The following CALN1 variants were observed in gnomAD, a reference collection of about 807,000 sequenced individuals.
CALN1 encodes calneuron 1, also known as calcium-binding protein 8.
In CALN1, 17 loss-of-function variants were observed where a neutral mutation model predicts 30.6. That is an observed-to-expected ratio of 0.56 (90% CI 0.38 to 0.83). CALN1 has a LOEUF of 0.83. Among genes scored for constraint, CALN1 ranks in the 40% least tolerant of loss-of-function variants. CALN1 has a pLI of 0.00. For missense variants in CALN1, 291 were observed against 354.9 expected, an observed-to-expected ratio of 0.82 and a Z score of 1.45; for synonymous variants, 156 against 131.4, an observed-to-expected ratio of 1.19 and a Z score of -1.28.
intron 2 of CALN1, among the ~76,000 whole-genome samples, chr7:72,328,210 T>TAC (rs1366221489): frequency 2.6e-5 from 4 of 152,168 alleles, no homozygotes; most frequent in African/African-American, 9.7e-5. Context: ...TAATACAGTT[T>TAC]GGCTGTGTCC....
intron 2 of CALN1, among the ~76,000 whole-genome samples, chr7:72,286,079 G>A (rs767289882): frequency 7.2e-5 from 11 of 152,194 alleles, no homozygotes; most frequent in African/African-American, 1.4e-4. Context: ...GGATTAGAAT[G>A]ATGAATAATC....
In CALN1 at chr7:71,858,803, A is replaced by G. The variant is rs10259588; in HGVS notation, c.502-48311T>C. ...GACCTAACCAATGTACATTTTACAC[A>G]TACTGATTGATGTCTCGTGTCTCCC... On this transcript the variant is annotated intron_variant, in intron 5 of 6. Transcript: ENST00000395275. 2.6e-3 allele frequency among the ~76,000 whole-genome samples: 394 copies of G among 152,200 alleles called. 2 individuals are homozygous for G. Among genetic ancestry groups the G allele is most frequent in the African/African-American group, 9.0e-3 (373 of 41,524 alleles).
chr7:72,250,371 T>C (rs978448796), intron 3 of CALN1, among the ~76,000 whole-genome samples: 1 of 152,116 alleles, frequency 6.6e-6, no homozygotes, highest in Non-Finnish European at 1.5e-5. Context: ...CATCTGGAAA[T>C]CAGAATGACA....
chr7:72,234,059 AAC>A (rs1286135485), intron 3 of CALN1, among the ~76,000 whole-genome samples: 1 of 152,180 alleles, frequency 6.6e-6, no homozygotes, highest in Admixed American at 6.5e-5. Flanking sequence ...GAAAAAGAGA[AAC>A]AAAGAGGAAA....
At chr7:72,312,182 T>A (rs1800096921) in intron 2 of CALN1, among the ~76,000 whole-genome samples, 1 of 152,036 alleles carries the variant, frequency 6.6e-6, no homozygotes, top group Admixed American at 6.6e-5. Context: ...GGCCAGAGTA[T>A]CACTTGATGT....
At chr7:72,307,912 A>G (rs1799759739) in intron 2 of CALN1, among the ~76,000 whole-genome samples, 1 of 152,098 alleles carries the variant, frequency 6.6e-6, no homozygotes, top group Non-Finnish European at 1.5e-5. Flanking sequence ...AAAAAAAATG[A>G]ACACAACCTA....
At chr7:72,262,833 T>C (rs1010392043) in intron 3 of CALN1, among the ~76,000 whole-genome samples, 3 of 152,222 alleles carry the variant, frequency 2.0e-5, no homozygotes, top group African/African-American at 7.2e-5. Flanking sequence ...TTAAGTCTGT[T>C]ACCTCCAAAC....
chr7:72,363,500 T>C (rs778534291), intron 2 of CALN1, among the ~76,000 whole-genome samples: 1 of 151,606 alleles, frequency 6.6e-6, no homozygotes, highest in Non-Finnish European at 1.5e-5. Context: ...TGGCTGCCCA[T>C]AGTGTTGGGA....
chr7:72,236,737 T>C (rs756751016), intron 3 of CALN1, among the ~76,000 whole-genome samples: 15 of 152,310 alleles, frequency 9.8e-5, no homozygotes, highest in South Asian at 2.1e-4. Context: ...AGGAAATAAA[T>C]GTGTCATTGA....
chr7:72,395,365 A>G (rs932752945), intron 2 of CALN1, among the ~76,000 whole-genome samples: 4 of 152,006 alleles, frequency 2.6e-5, no homozygotes, highest in African/African-American at 9.7e-5. Flanking sequence ...GCGCGCACAC[A>G]CACACACACA....
At chr7:72,018,528 T>A (rs966867351) in intron 5 of CALN1, among the ~76,000 whole-genome samples, 2 of 152,104 alleles carry the variant, frequency 1.3e-5, no homozygotes, top group Admixed American at 6.6e-5. Flanking sequence ...AACTTATGCA[T>A]AGGAAAGCGG....
intron 3 of CALN1, among the ~76,000 whole-genome samples, chr7:72,145,385 T>G (rs1364801881): frequency 8.5e-5 from 13 of 152,160 alleles, no homozygotes; most frequent in Admixed American, 6.5e-4. Flanking sequence ...AATCGATAAA[T>G]TCCTTGACAC....
chr7:72,457,875 C>G, the CALN1 span, among the ~76,000 whole-genome samples: 1 of 151,656 alleles, frequency 6.6e-6, no homozygotes, highest in Non-Finnish European at 1.5e-5. Flanking sequence ...CCCACCTCAG[C>G]CTCCTGAGTA....
chr7:72,263,524 C>A (rs914542073), intron 3 of CALN1, among the ~76,000 whole-genome samples: 1 of 152,048 alleles, frequency 6.6e-6, no homozygotes, highest in Non-Finnish European at 1.5e-5. Flanking sequence ...GCTTGCTGGG[C>A]AACTTGGACT....
intron 2 of CALN1, among the ~76,000 whole-genome samples, chr7:72,381,950 T>C (rs1562935438): frequency 6.6e-6 from 1 of 152,208 alleles, no homozygotes; most frequent in Non-Finnish European, 1.5e-5. Context: ...AAGAAGTTTT[T>C]TCCTGAACTG....
chr7:72,271,577 T>A (rs1232520), intron 3 of CALN1, among the ~76,000 whole-genome samples: 3,255 of 35,058 alleles, frequency 0.093, 280 homozygotes, highest in African/African-American at 0.14. Context: ...AAAAAAAAAA[T>A]ATATATATAT....
intron 2 of CALN1, among the ~76,000 whole-genome samples, chr7:72,290,079 TAAAAAAAAAAAAAAAAAAAAAAAAA>T (rs60416266): frequency 0.018 from 573 of 32,108 alleles, 13 homozygotes; most frequent in Non-Finnish European, 0.022. Context: ...GACCCTGTCT[TAAAAAAAAAAAAAAAAAAAAAAAAA>T]AAAAAAAAAA....
the CALN1 span, among the ~76,000 whole-genome samples, chr7:72,494,869 AAAT>A: frequency 2.7e-5 from 4 of 150,942 alleles, no homozygotes; most frequent in South Asian, 2.1e-4. Flanking sequence ...CCTGTCTCAA[AAAT>A]AATAATAATA....
At chr7:72,057,766 C>A (rs1480777652) in intron 4 of CALN1, among the ~76,000 whole-genome samples, 1 of 151,982 alleles carries the variant, frequency 6.6e-6, no homozygotes, top group East Asian at 1.9e-4. Flanking sequence ...TGACATCTTA[C>A]AGAAAGCCAT....
Sources: gnomAD v4.1 joint callset for allele counts (sites outside exome capture counted in the v4.1 genomes callset) on GRCh38, gnomAD v4.1.1 for gene constraint, MANE v1.5 for transcripts, NCBI Gene and HGNC (gene_info 2026-07-23, HGNC 2026-07-21) for gene names.